NTNG1: variants seen among roughly 807,000 people sequenced by gnomAD.
NTNG1 encodes the protein netrin G1, also known as netrin-G1.
A neutral mutation model predicts 54.0 loss-of-function variants in NTNG1; 16 were observed. The observed-to-expected ratio is 0.30, with a 90% CI of 0.20 to 0.45. The LOEUF (loss-of-function observed/expected upper bound fraction) is 0.45, where lower values mean the gene tolerates loss of function less well. Among genes scored for constraint, NTNG1 ranks in the 20% least tolerant of loss-of-function variants. The pLI, the probability that NTNG1 is intolerant of heterozygous loss-of-function variation, is 1.00. For synonymous variants in NTNG1, 255 were observed against 263.1 expected (o/e 0.97, Z 0.30); for missense variants, 530 against 678.7 (o/e 0.78, Z 2.43).
chr1:107,253,365 AT>A (rs560887106), intron 2 of NTNG1, among the ~76,000 whole-genome samples: 66 of 152,362 alleles, frequency 4.3e-4, no homozygotes, highest in Non-Finnish European at 8.8e-5. Context: ...AGCTGATAAC[AT>A]TTGAAATTAT....
intron 3 of NTNG1, among the ~76,000 whole-genome samples, chr1:107,343,556 C>G (rs142204722): frequency 2.6e-4 from 39 of 150,880 alleles, no homozygotes; most frequent in African/African-American, 9.3e-4. Context: ...TTTACAGTAC[C>G]TGATTTCAGA....
At chr1:107,194,819 A>G (rs1330322298) in intron 2 of NTNG1, among the ~76,000 whole-genome samples, 5 of 151,998 alleles carry the variant, frequency 3.3e-5, no homozygotes, top group African/African-American at 1.2e-4. Context: ...CTTAGCTCCT[A>G]CTATATTTTT....
At chr1:107,247,500 T>C (rs1440729147) in intron 2 of NTNG1, among the ~76,000 whole-genome samples, 1 of 152,196 alleles carries the variant, frequency 6.6e-6, no homozygotes, top group Non-Finnish European at 1.5e-5. Context: ...ATAACGTCTT[T>C]CAGTGTGTGT....
chr1:107,141,164 G>A (rs1186993073), intron 1 of NTNG1, 24 bp downstream of exon 1: 1 of 152,162 alleles, frequency 6.6e-6, no homozygotes, highest in Non-Finnish European at 1.5e-5. Context: ...GGGGAGTGGC[G>A]GGCCGGCGCT....
rs148149068 is a variant in NTNG1, at chr1:107,466,711, A to G, written c.1391-13900A>G. ...TCCCTGTGTTTTAAATACCATGCAT[A>G]GCCTCCCAGTTGTATCCAAACCAAT... On this transcript the variant is annotated intron_variant, in intron 7 of 7. Transcript: ENST00000370068. Among the ~76,000 whole-genome samples the G allele has an allele frequency of 3.5e-3, 533 of 152,284 alleles. 2 individuals are homozygous for G. Among genetic ancestry groups the G allele is most frequent in the African/African-American group, 0.012 (489 of 41,568 alleles).
chr1:107,150,827 G>C (rs770160757), intron 2 of NTNG1, among the ~76,000 whole-genome samples: 1 of 152,184 alleles, frequency 6.6e-6, no homozygotes, highest in East Asian at 1.9e-4. Flanking sequence ...CTTTCAAAGG[G>C]ACATGGTCTA....
chr1:107,438,449 T>C (rs1472875506), intron 7 of NTNG1, among the ~76,000 whole-genome samples: 1 of 152,142 alleles, frequency 6.6e-6, no homozygotes, highest in Non-Finnish European at 1.5e-5. Flanking sequence ...CCAGCAACCA[T>C]GTGAAGTGTC....
intron 2 of NTNG1, among the ~76,000 whole-genome samples, chr1:107,262,705 T>C (rs1368128834): frequency 6.6e-6 from 1 of 152,234 alleles, no homozygotes; most frequent in Non-Finnish European, 1.5e-5. Flanking sequence ...GACAATGGTA[T>C]TCATCTTTTC....
At chr1:107,359,943 C>G (rs1258934382) in intron 3 of NTNG1, among the ~76,000 whole-genome samples, 1 of 152,122 alleles carries the variant, frequency 6.6e-6, no homozygotes, top group African/African-American at 2.4e-5. Flanking sequence ...ACAGTTGGGC[C>G]CAATCTGGTC....
intron 2 of NTNG1, among the ~76,000 whole-genome samples, chr1:107,248,657 T>C (rs1298586603): frequency 1.3e-5 from 2 of 152,200 alleles, no homozygotes; most frequent in African/African-American, 2.4e-5. Context: ...TCGGTTACTA[T>C]ACAACTTTCT....
At position 107,482,055 on chromosome 1, in the gene NTNG1, CAAA is replaced by C. The variant is rs71098633; in HGVS notation, c.*1240_*1242del. 11 of 114,498 alleles carry C rather than the reference CAAA, an allele frequency of 9.6e-5. No individual in the cohort carries two copies. The highest frequency in any genetic ancestry group is 2.5e-4 in the East Asian group (1 of 3,962). 7.1% of individuals were successfully genotyped at this position (114,498 alleles called of 1,614,324 possible). On this transcript the variant is annotated 3_prime_UTR_variant, in exon 8 of 8. Transcript: ENST00000370068. Reference sequence around the variant, plus strand: ...TTCCACTTGGGAAAAATTACAACAGCAAAAAAAAAAAAAAAAAAAAAAAAAAAT... The same window carrying C: ...TTCCACTTGGGAAAAATTACAACAGCAAAAAAAAAAAAAAAAAAAAAAAAT...
At chr1:107,221,628 T>C (rs1213009705) in intron 2 of NTNG1, among the ~76,000 whole-genome samples, 1 of 152,126 alleles carries the variant, frequency 6.6e-6, no homozygotes, top group African/African-American at 2.4e-5. Flanking sequence ...GGTTAGAACA[T>C]AGGGTACATG....
intron 2 of NTNG1, among the ~76,000 whole-genome samples, chr1:107,292,825 A>G (rs1665705302): frequency 6.6e-6 from 1 of 152,046 alleles, no homozygotes; most frequent in African/African-American, 2.4e-5. Context: ...CTACATATAG[A>G]ACCCCAAGTC....
chr1:107,304,718 T>G (rs909005200), intron 2 of NTNG1, among the ~76,000 whole-genome samples: 1 of 151,390 alleles, frequency 6.6e-6, no homozygotes, highest in Non-Finnish European at 1.5e-5. Flanking sequence ...AACACAAGGC[T>G]CAGAATGTTC....
At chr1:107,152,225 G>C (rs553353881) in intron 2 of NTNG1, among the ~76,000 whole-genome samples, 205 of 152,118 alleles carry the variant, frequency 1.3e-3, no homozygotes, top group African/African-American at 4.7e-3. Flanking sequence ...GGAAGGTGGG[G>C]GTTAACCCTT....
rs570781369 is a variant in NTNG1, at chr1:107,209,925, G to A, written c.246+61086G>A. On this transcript the variant is annotated intron_variant, in intron 2 of 7. Coordinates refer to ENST00000370068, the MANE Select transcript of NTNG1 (RefSeq NM_001113226.3). ...TTTTTTTTCTGTTTAAGTTGCTCCAGGTTTTGTTTAAATTGGATGGTTCAG... is the reference window on the plus strand; with the variant it reads ...TTTTTTTTCTGTTTAAGTTGCTCCAAGTTTTGTTTAAATTGGATGGTTCAG... Among the ~76,000 whole-genome samples the A allele has an allele frequency of 2.6e-5, 4 of 151,986 alleles. No individual in the cohort carries two copies. The South Asian group carries it at 8.3e-4, about 32-fold the overall frequency.
At chr1:107,455,342 G>A (rs1252980369) in intron 7 of NTNG1, among the ~76,000 whole-genome samples, 1 of 152,210 alleles carries the variant, frequency 6.6e-6, no homozygotes, top group African/African-American at 2.4e-5. Context: ...GGGATTACAG[G>A]CGTGAGCCAC....
At chr1:107,474,782 CT>C (rs1678206530) in intron 7 of NTNG1, among the ~76,000 whole-genome samples, 1 of 152,184 alleles carries the variant, frequency 6.6e-6, no homozygotes, top group Admixed American at 6.5e-5. Context: ...AACAAACCCT[CT>C]CCCAAAATAA....
intron 7 of NTNG1, among the ~76,000 whole-genome samples, chr1:107,454,558 AT>A (rs1307934447): frequency 6.6e-6 from 1 of 152,160 alleles, no homozygotes; most frequent in Non-Finnish European, 1.5e-5. Context: ...AAAAAAAAAA[AT>A]CACTCTGACC....
Sources: allele counts gnomAD v4.1 joint callset (sites outside exome capture counted in the v4.1 genomes callset), GRCh38; gene constraint gnomAD v4.1.1; transcripts MANE v1.5; gene names NCBI Gene and HGNC (gene_info 2026-07-23, HGNC 2026-07-21).